The following CTNNA3 variants were observed in gnomAD, a reference collection of about 807,000 sequenced individuals.
CTNNA3 encodes catenin alpha 3, also known as catenin alpha-3.
Under a neutral mutation model 95.7 loss-of-function variants are expected in CTNNA3, and 76 were observed. The observed-to-expected ratio is 0.79, with a 90% CI of 0.66 to 0.96. CTNNA3 has a LOEUF of 0.96. Among genes scored for constraint, CTNNA3 ranks in the 40% least tolerant of loss-of-function variants. The pLI is 0.00. For synonymous variants in CTNNA3, 431 were observed against 374.4 expected, an observed-to-expected ratio of 1.15 and a Z score of -1.74; for missense variants, 1,191 against 1,089.8, an observed-to-expected ratio of 1.09 and a Z score of -1.31.
At chr10:67,668,599 A>G (rs973486143) in intron 1 of CTNNA3, among the ~76,000 whole-genome samples, 3 of 152,156 alleles carry the variant, frequency 2.0e-5, no homozygotes, top group African/African-American at 7.2e-5. Context: ...AGGAGTGACT[A>G]ATGGGCAGGC....
chr10:66,470,274 A>G (rs1021463779), intron 11 of CTNNA3, among the ~76,000 whole-genome samples: 26 of 151,882 alleles, frequency 1.7e-4, no homozygotes, highest in Non-Finnish European at 3.8e-4. Flanking sequence ...TCTGTCAAAC[A>G]TGAAAGGGGA....
At chr10:66,857,744 G>A (rs1462682307) in intron 7 of CTNNA3, among the ~76,000 whole-genome samples, 1 of 151,876 alleles carries the variant, frequency 6.6e-6, no homozygotes, top group Non-Finnish European at 1.5e-5. Flanking sequence ...AGTGATTTTT[G>A]TACGTTGATT....
intron 13 of CTNNA3, among the ~76,000 whole-genome samples, chr10:66,197,984 C>T (rs1271802732): frequency 1.3e-5 from 2 of 152,090 alleles, no homozygotes; most frequent in East Asian, 1.9e-4. Flanking sequence ...TAGTAAGTGA[C>T]TCATTTTTTG....
intron 13 of CTNNA3, among the ~76,000 whole-genome samples, chr10:66,174,827 C>T (rs1031544029): frequency 2.6e-5 from 4 of 152,048 alleles, no homozygotes; most frequent in Admixed American, 1.3e-4. Context: ...CATATGCTAT[C>T]TCCTTTGTTC....
intron 9 of CTNNA3, among the ~76,000 whole-genome samples, chr10:66,750,510 T>A (rs566829688): frequency 6.6e-6 from 1 of 152,356 alleles, no homozygotes; most frequent in Admixed American, 6.5e-5. Context: ...CTTTGTCAAA[T>A]GTTGGTTGAC....
chr10:66,778,134 T>G (rs1355777374), intron 7 of CTNNA3, among the ~76,000 whole-genome samples: 1 of 152,156 alleles, frequency 6.6e-6, no homozygotes, highest in African/African-American at 2.4e-5. Context: ...AGGTCTCCCT[T>G]CTTGCTTTTT....
intron 15 of CTNNA3, among the ~76,000 whole-genome samples, chr10:66,010,698 CA>C (rs1192175346): frequency 2.0e-5 from 3 of 152,116 alleles, no homozygotes; most frequent in Non-Finnish European, 4.4e-5. Context: ...ATTTTCCTTT[CA>C]AAGATTATGT....
At chr10:66,549,488 A>C (rs116935780) in intron 10 of CTNNA3, among the ~76,000 whole-genome samples, 3,647 of 151,866 alleles carry the variant, frequency 0.024, 90 homozygotes, top group East Asian at 0.058. Flanking sequence ...TTTCTATTTC[A>C]TTGATTTCTA....
intron 13 of CTNNA3, among the ~76,000 whole-genome samples, chr10:66,208,609 A>G (rs577237504): frequency 1.4e-3 from 215 of 152,236 alleles, no homozygotes; most frequent in Non-Finnish European, 2.0e-3. Context: ...CTTGAAAGGA[A>G]CTTAAAAAGA....
intron 11 of CTNNA3, among the ~76,000 whole-genome samples, chr10:66,439,318 A>C (rs368472480): frequency 2.4e-4 from 36 of 152,312 alleles, no homozygotes; most frequent in South Asian, 2.1e-3. Context: ...TCTTAAAAAA[A>C]GGATACTATT....
chr10:66,792,243 T>A (rs1277577198), intron 7 of CTNNA3, among the ~76,000 whole-genome samples: 1 of 152,200 alleles, frequency 6.6e-6, no homozygotes, highest in Non-Finnish European at 1.5e-5. Flanking sequence ...AAGTTAACAA[T>A]TATTTGTAAG....
At chr10:66,041,195 G>C (rs2079680658) in intron 15 of CTNNA3, among the ~76,000 whole-genome samples, 1 of 152,052 alleles carries the variant, frequency 6.6e-6, no homozygotes, top group Non-Finnish European at 1.5e-5. Flanking sequence ...AACCCCAACT[G>C]GCAGTTATTC....
chr10:67,588,603 AGTATGCATG>A (rs1589459463), intron 3 of CTNNA3, among the ~76,000 whole-genome samples: 2 of 152,094 alleles, frequency 1.3e-5, no homozygotes, highest in East Asian at 3.9e-4. Flanking sequence ...TAAGCATTAA[AGTATGCATG>A]GGTTTGATTA....
intron 7 of CTNNA3, among the ~76,000 whole-genome samples, chr10:66,808,376 G>A (rs1265743559): frequency 6.6e-6 from 1 of 152,134 alleles, no homozygotes; most frequent in African/African-American, 2.4e-5. Context: ...GTGAGCAAAA[G>A]CACACTGCTA....
chr10:67,543,465 G>A (rs1840745245), intron 3 of CTNNA3, among the ~76,000 whole-genome samples: 1 of 151,888 alleles, frequency 6.6e-6, no homozygotes, highest in African/African-American at 2.4e-5. Context: ...TCATTTAAAA[G>A]TATAATTCTA....
At chr10:66,104,720 C>T (rs186173372) in intron 13 of CTNNA3, among the ~76,000 whole-genome samples, 12 of 152,280 alleles carry the variant, frequency 7.9e-5, no homozygotes, top group Admixed American at 1.3e-4. Context: ...CAACCAAAAA[C>T]GAAGTAGAAG....
intron 11 of CTNNA3, among the ~76,000 whole-genome samples, chr10:66,458,722 C>T (rs1379142685): frequency 6.6e-6 from 1 of 152,130 alleles, no homozygotes; most frequent in East Asian, 1.9e-4. Context: ...AGCATAATGT[C>T]TTCAATGTTT....
At chr10:65,985,629 C>T (rs75988683) in intron 16 of CTNNA3, among the ~76,000 whole-genome samples, 10,861 of 151,066 alleles carry the variant, frequency 0.072, 431 homozygotes, top group East Asian at 0.11. Flanking sequence ...CACAGAAAAC[C>T]TAACATTATA....
intron 9 of CTNNA3, among the ~76,000 whole-genome samples, chr10:66,691,174 G>GC (rs1847519244): frequency 1.3e-5 from 2 of 152,314 alleles, no homozygotes; most frequent in South Asian, 4.1e-4. Context: ...CACTCAGGAA[G>GC]CGCAAGGGGT....
Sources: gnomAD v4.1 joint callset for allele counts (sites outside exome capture counted in the v4.1 genomes callset) on GRCh38, gnomAD v4.1.1 for gene constraint, MANE v1.5 for transcripts, NCBI Gene and HGNC (gene_info 2026-07-23, HGNC 2026-07-21) for gene names.